DZIP3: variants seen among roughly 807,000 people sequenced by gnomAD.
The protein encoded by DZIP3 is E3 ubiquitin-protein ligase DZIP3.
Under a neutral mutation model 162.0 loss-of-function variants are expected in DZIP3, and 118 were observed. The ratio of observed to expected loss-of-function variants is 0.73; its 90% CI spans 0.63 to 0.85. The LOEUF (loss-of-function observed/expected upper bound fraction) is 0.85. DZIP3 is among the 40% of genes least tolerant of loss of function. DZIP3 has a pLI of 0.00. For missense variants in DZIP3, 1,331 were observed against 1,407.0 expected, an observed-to-expected ratio of 0.95 and a Z score of 0.86; for synonymous variants, 438 against 458.6, an observed-to-expected ratio of 0.96 and a Z score of 0.57.
intron 26 of DZIP3, among the ~76,000 whole-genome samples, chr3:108,681,140 C>T (rs991763312): frequency 6.6e-6 from 1 of 152,078 alleles, no homozygotes; most frequent in Non-Finnish European, 1.5e-5. Context: ...TCAGAGTGAA[C>T]AGGCAACCTA....
intron 1 of DZIP3, among the ~76,000 whole-genome samples, chr3:108,604,629 G>A (rs998470919): frequency 6.6e-6 from 1 of 152,156 alleles, no homozygotes; most frequent in African/African-American, 2.4e-5. Context: ...TTGAACCACA[G>A]ATTGTGCAAG....
chr3:108,688,220 A>G, intron 29 of DZIP3, 124 bp downstream of exon 29: 3 of 1,208,624 alleles, frequency 2.5e-6, no homozygotes, highest in Non-Finnish European at 2.3e-6. Context: ...TAAATCATCT[A>G]TTAACAGTAA....
intron 8 of DZIP3, among the ~76,000 whole-genome samples, chr3:108,629,541 A>C (rs901991783): frequency 6.6e-6 from 1 of 152,072 alleles, no homozygotes; most frequent in Admixed American, 6.6e-5. Context: ...AAAATGCCTA[A>C]AGATAAAGAT....
chr3:108,674,186 C>A lies in DZIP3; in HGVS notation c.2693+5C>A, dbSNP rs867252856. 6.2e-7 allele frequency: 1 copy of A among 1,610,256 alleles called. No individual in the cohort carries two copies. The highest frequency in any genetic ancestry group is 8.5e-7 in the Non-Finnish European group (1 of 1,177,322). ...GGTGACTCACATGGCAGCAAGGTAA[C>A]CTTTCCCTCTTCCTTAATGCATCTT... On this transcript the variant is annotated splice_donor_5th_base_variant and intron_variant, in intron 24 of 32. Transcript: ENST00000361582.
chr3:108,610,914 G>A lies in DZIP3; in HGVS notation c.103-260G>A, dbSNP rs2290444. 5.8e-3 allele frequency among the ~76,000 whole-genome samples: 879 copies of A among 152,276 alleles called. 27 individuals are homozygous for A. In the East Asian group the frequency reaches 0.071, roughly 12 times the overall value. On this transcript the variant is annotated intron_variant, in intron 3 of 32. Coordinates refer to ENST00000361582, the MANE Select transcript of DZIP3 (RefSeq NM_014648.4). ...TCAAGTTGCTGTGTGTTTAATAGCT[G>A]ACGCATCAGTCATATAATGTAAAAA... is the stretch of plus-strand genomic sequence containing the variant.
chr3:108,654,413 C>T, intron 19 of DZIP3, 103 bp downstream of exon 19: 1 of 1,270,382 alleles, frequency 7.9e-7, no homozygotes, highest in Non-Finnish European at 1.1e-6. Flanking sequence ...GTGGTTTATA[C>T]TGTTTGTGAG....
At chr3:108,634,322 G>T (rs1576391784) in intron 9 of DZIP3, among the ~76,000 whole-genome samples, 1 of 152,208 alleles carries the variant, frequency 6.6e-6, no homozygotes, top group East Asian at 1.9e-4. Flanking sequence ...GAATACCTGG[G>T]CACACAATTT....
chr3:108,648,804 TA>T, intron 16 of DZIP3, 113 bp from the exon 17 acceptor site: 1 of 465,042 alleles, frequency 2.2e-6, no homozygotes, highest in Non-Finnish European at 3.4e-6. Context: ...TAGAAAGAAA[TA>T]CCTATAATAT....
chr3:108,669,564 TTTG>T (rs1943842492), intron 21 of DZIP3, 114 bp from the exon 22 acceptor site: 22 of 809,002 alleles, frequency 2.7e-5, no homozygotes, highest in Middle Eastern at 3.7e-4. Context: ...AGGCTCAAGA[TTTG>T]TGGCCCCAAA....
In DZIP3 at chr3:108,625,648, A is replaced by T. The variant is rs1203811602; in HGVS notation, c.457-197A>T. 4.6e-5 allele frequency among the ~76,000 whole-genome samples: 7 copies of T among 152,330 alleles called. No individual in the cohort carries two copies. The East Asian group carries it at 7.7e-4, about 17-fold the overall frequency. On this transcript the variant is annotated intron_variant, in intron 6 of 32. Transcript: ENST00000361582. Reference sequence around the variant, plus strand: ...GAAGGTCTTAAGTTTATTTATAAATAAATATTTTAAACACTGACTACATGA... The same window carrying T: ...GAAGGTCTTAAGTTTATTTATAAATTAATATTTTAAACACTGACTACATGA...
At chr3:108,618,106 G>A (rs530312446) in intron 5 of DZIP3, among the ~76,000 whole-genome samples, 3 of 152,286 alleles carry the variant, frequency 2.0e-5, no homozygotes, top group Non-Finnish European at 4.4e-5. Flanking sequence ...GTGCAGTTGC[G>A]AATAGCATCT....
intron 31 of DZIP3, among the ~76,000 whole-genome samples, chr3:108,690,411 A>C (rs1944649554): frequency 6.6e-6 from 1 of 152,230 alleles, no homozygotes; most frequent in African/African-American, 2.4e-5. Context: ...CATACCAGGT[A>C]CTAGTGACTT....
intron 12 of DZIP3, among the ~76,000 whole-genome samples, chr3:108,640,519 C>T (rs1942354769): frequency 6.7e-6 from 1 of 149,534 alleles, no homozygotes; most frequent in African/African-American, 2.5e-5. Flanking sequence ...GATCTCGGCT[C>T]ACTGCAATCT....
At position 108,644,328 on chromosome 3, in the gene DZIP3, T is replaced by G; in HGVS notation, c.1306T>G (p.Tyr436Asp). The G allele has an allele frequency of 1.2e-6, 2 of 1,614,148 alleles. No individual in the cohort carries two copies. Among genetic ancestry groups the G allele is most frequent in the Non-Finnish European group, 1.7e-6 (2 of 1,179,984 alleles). ...LIHKNVLESYYNHLWTNHPLG... is the reference protein window; with the variant it reads ...LIHKNVLESYDNHLWTNHPLG... ...ACACAAGAATGTGCTGGAATCCTAC[T>G]ACAACCATCTTTGGACCAATCATCC... Residue 436 changes from tyrosine (Y) to aspartate (D), a missense_variant, in exon 14 of 33, where the codon TAC becomes GAC. By Grantham distance (160) the Tyr-to-Asp change is radical. This residue lies in a region of DZIP3 where 1,278 missense variants were observed against 1,317.1 expected (regional missense o/e 0.97). Coordinates refer to ENST00000361582, the MANE Select transcript of DZIP3 (RefSeq NM_014648.4).
chr3:108,648,176 T>G, intron 16 of DZIP3, 64 bp downstream of exon 16: 1 of 1,446,236 alleles, frequency 6.9e-7, no homozygotes, highest in Non-Finnish European at 9.3e-7. Context: ...TTGTTGCATG[T>G]GCTGTACTTA....
At chr3:108,604,680 G>A (rs1273000037) in intron 1 of DZIP3, among the ~76,000 whole-genome samples, 12 of 152,138 alleles carry the variant, frequency 7.9e-5, no homozygotes. Flanking sequence ...TGGAGATGTA[G>A]AATCATGATT....
At chr3:108,686,281 A>T (rs1944494538) in intron 27 of DZIP3, among the ~76,000 whole-genome samples, 164 bp from the exon 28 acceptor site, 1 of 152,198 alleles carries the variant, frequency 6.6e-6, no homozygotes, top group Non-Finnish European at 1.5e-5. Context: ...TATTTTTAAA[A>T]TAAGTTTAAA....
chr3:108,656,952 A>G (rs910079410), intron 19 of DZIP3, among the ~76,000 whole-genome samples: 8 of 152,210 alleles, frequency 5.3e-5, no homozygotes, highest in Non-Finnish European at 7.3e-5. Context: ...ATAAAAAGAA[A>G]TGAACAAACC....
At chr3:108,666,143 G>A (rs1943666512) in intron 21 of DZIP3, among the ~76,000 whole-genome samples, 1 of 152,056 alleles carries the variant, frequency 6.6e-6, no homozygotes, top group South Asian at 2.1e-4. Flanking sequence ...GGAATTCAAT[G>A]TATGTAGAAG....
Sources: allele counts gnomAD v4.1 joint callset (sites outside exome capture counted in the v4.1 genomes callset), GRCh38; gene constraint gnomAD v4.1.1; regional missense constraint gnomAD v4.1.1; transcripts MANE v1.5; gene names NCBI Gene and HGNC (gene_info 2026-07-23, HGNC 2026-07-21).